The following PTPRD variants were observed in gnomAD, a reference collection of about 807,000 sequenced individuals.
PTPRD encodes the protein receptor-type tyrosine-protein phosphatase delta.
A neutral mutation model predicts 214.5 loss-of-function variants in PTPRD; 34 were observed. The observed-to-expected ratio is 0.16, with a 90% CI of 0.12 to 0.21. The LOEUF (loss-of-function observed/expected upper bound fraction) is 0.21, where lower values mean the gene tolerates loss of function less well. PTPRD is among the 10% of genes least tolerant of loss of function. The pLI, the probability that PTPRD is intolerant of heterozygous loss-of-function variation, is 1.00. For synonymous variants in PTPRD, 1,128 were observed against 845.7 expected, an observed-to-expected ratio of 1.33 and a Z score of -5.79; for missense variants, 2,545 against 2,398.7, an observed-to-expected ratio of 1.06 and a Z score of -1.27.
intron 10 of PTPRD, among the ~76,000 whole-genome samples, chr9:9,109,631 G>T (rs1357234034): frequency 1.6e-4 from 25 of 152,116 alleles, no homozygotes. Context: ...AGCTCAGTCT[G>T]GGTGGAGGTC....
At chr9:9,564,252 C>G (rs1291076762) in intron 8 of PTPRD, among the ~76,000 whole-genome samples, 1 of 152,056 alleles carries the variant, frequency 6.6e-6, no homozygotes, top group Non-Finnish European at 1.5e-5. Flanking sequence ...AAAAGAAAAT[C>G]TCCATGAGTG....
intron 8 of PTPRD, among the ~76,000 whole-genome samples, chr9:9,548,622 G>C (rs1011869548): frequency 7.3e-5 from 11 of 151,366 alleles, no homozygotes; most frequent in Non-Finnish European, 1.2e-4. Context: ...TGGTCTCAAA[G>C]AGATACACTT....
chr9:10,491,455 G>T (rs139325685), intron 2 of PTPRD, among the ~76,000 whole-genome samples: 54 of 152,056 alleles, frequency 3.6e-4, no homozygotes, highest in African/African-American at 1.2e-3. Context: ...CAATTATAAA[G>T]AATCACGAAG....
At chr9:8,782,218 G>A (rs1474555978) in intron 11 of PTPRD, among the ~76,000 whole-genome samples, 1 of 151,862 alleles carries the variant, frequency 6.6e-6, no homozygotes, top group East Asian at 1.9e-4. Flanking sequence ...TGTATATATT[G>A]TGGAATGGAT....
intron 5 of PTPRD, among the ~76,000 whole-genome samples, chr9:9,828,070 C>A (rs200441004): frequency 6.6e-6 from 1 of 151,984 alleles, no homozygotes; most frequent in Non-Finnish European, 1.5e-5. Flanking sequence ...TGTAAACTAG[C>A]TCAACCCTTG....
chr9:8,327,938 A>G (rs559847162), intron 44 of PTPRD, among the ~76,000 whole-genome samples: 1 of 147,108 alleles, frequency 6.8e-6, no homozygotes, highest in African/African-American at 2.6e-5. Context: ...TCCTGAATAC[A>G]GCACACTGAT....
chr9:8,801,427 T>C (rs894279411), intron 11 of PTPRD, among the ~76,000 whole-genome samples: 5 of 152,186 alleles, frequency 3.3e-5, no homozygotes, highest in African/African-American at 1.2e-4. Flanking sequence ...GGGTTGCCCA[T>C]CAAACCTGGC....
At chr9:10,014,137 C>T (rs1430661170) in intron 4 of PTPRD, among the ~76,000 whole-genome samples, 1 of 151,892 alleles carries the variant, frequency 6.6e-6, no homozygotes, top group Non-Finnish European at 1.5e-5. Flanking sequence ...CTTAAAGTTA[C>T]ATAACATTTC....
Position 8,491,898 on chromosome 9 carries a change from G to A in PTPRD, c.2467+964C>T, listed in dbSNP as rs183837678. Among the ~76,000 whole-genome samples the A allele has an allele frequency of 3.3e-3, 506 of 152,206 alleles. 5 individuals are homozygous for A. Among genetic ancestry groups the A allele is most frequent in the Non-Finnish European group, 2.1e-3 (145 of 68,008 alleles). Reference sequence around the variant, plus strand: ...AAAAGATATTTGAGAAGTGATTCGGGCAGAGTAAATCAAATCATGGTTTAC... The same window carrying A: ...AAAAGATATTTGAGAAGTGATTCGGACAGAGTAAATCAAATCATGGTTTAC... On this transcript the variant is annotated intron_variant, in intron 27 of 45. Coordinates refer to ENST00000381196, the MANE Select transcript of PTPRD (RefSeq NM_002839.4).
At chr9:9,684,244 TA>T (rs1294454862) in intron 7 of PTPRD, among the ~76,000 whole-genome samples, 2 of 151,750 alleles carry the variant, frequency 1.3e-5, no homozygotes, top group Non-Finnish European at 2.9e-5. Flanking sequence ...AATTTAAAAC[TA>T]AGCCTTTAAG....
At chr9:9,860,940 T>C (rs147130507) in intron 5 of PTPRD, among the ~76,000 whole-genome samples, 3 of 152,316 alleles carry the variant, frequency 2.0e-5, no homozygotes, top group Admixed American at 6.5e-5. Flanking sequence ...AAATGCAGTT[T>C]TGGGAAAAAG....
intron 7 of PTPRD, among the ~76,000 whole-genome samples, chr9:9,675,468 T>C (rs2096911144): frequency 6.6e-6 from 1 of 151,616 alleles, no homozygotes; most frequent in African/African-American, 2.4e-5. Context: ...TGTTTAAAAA[T>C]ATGATAAATA....
At chr9:9,211,741 T>C (rs990293813) in intron 9 of PTPRD, among the ~76,000 whole-genome samples, 3 of 152,194 alleles carry the variant, frequency 2.0e-5, no homozygotes, top group Non-Finnish European at 4.4e-5. Flanking sequence ...TCAAAGGCTC[T>C]TTGTTGTGCT....
chr9:10,599,113 C>G (rs1436522545), intron 2 of PTPRD, among the ~76,000 whole-genome samples: 1 of 151,564 alleles, frequency 6.6e-6, no homozygotes, highest in Non-Finnish European at 1.5e-5. Flanking sequence ...ACCTATTTTC[C>G]TTGATTTCAA....
intron 3 of PTPRD, among the ~76,000 whole-genome samples, chr9:10,272,057 A>G (rs1337066812): frequency 6.6e-6 from 1 of 152,124 alleles, no homozygotes; most frequent in Admixed American, 6.5e-5. Flanking sequence ...CATCCCTTAG[A>G]AAGAAACCCC....
At chr9:9,244,814 C>A (rs981553176) in intron 9 of PTPRD, among the ~76,000 whole-genome samples, 20 of 152,064 alleles carry the variant, frequency 1.3e-4, no homozygotes, top group Non-Finnish European at 2.8e-4. Context: ...AGAGCTTCTG[C>A]ACAGCAAAAG....
chr9:9,871,619 A>G (rs1326509103), intron 5 of PTPRD, among the ~76,000 whole-genome samples: 1 of 150,218 alleles, frequency 6.7e-6, no homozygotes, highest in East Asian at 2.0e-4. Flanking sequence ...GTGCAGGGGC[A>G]GAGGGTAAGC....
intron 12 of PTPRD, among the ~76,000 whole-genome samples, chr9:8,704,081 C>T (rs1397032947): frequency 2.6e-5 from 4 of 152,106 alleles, no homozygotes; most frequent in Non-Finnish European, 5.9e-5. Flanking sequence ...GGCATCCATC[C>T]ACTTCTCTCC....
At chr9:8,668,533 T>A (rs2097213907) in intron 12 of PTPRD, among the ~76,000 whole-genome samples, 1 of 152,204 alleles carries the variant, frequency 6.6e-6, no homozygotes, top group Non-Finnish European at 1.5e-5. Flanking sequence ...TAATTTCTGA[T>A]TTTTAATCTT....
Sources: allele counts gnomAD v4.1 joint callset (sites outside exome capture counted in the v4.1 genomes callset), GRCh38; gene constraint gnomAD v4.1.1; transcripts MANE v1.5; gene names NCBI Gene and HGNC (gene_info 2026-07-23, HGNC 2026-07-21).